PRKAR2B: variants seen among roughly 807,000 people sequenced by gnomAD.
PRKAR2B encodes protein kinase cAMP-dependent type II regulatory subunit beta.
PRKAR2B carries 14 observed loss-of-function variants against 49.9 expected under a neutral mutation model. The ratio of observed to expected loss-of-function variants is 0.28; its 90% CI spans 0.19 to 0.44. PRKAR2B has a LOEUF of 0.44. Among genes scored for constraint, PRKAR2B ranks in the 20% least tolerant of loss-of-function variants. PRKAR2B has a pLI of 1.00. For synonymous variants in PRKAR2B, 196 were observed against 197.7 expected (o/e 0.99, Z 0.07); for missense variants, 393 against 537.9 (o/e 0.73, Z 2.67).
intron 6 of PRKAR2B, 55 bp from the exon 7 acceptor site, chr7:107,150,867 C>T: frequency 1.2e-6 from 1 of 864,586 alleles, no homozygotes; most frequent in Non-Finnish European, 1.8e-6. Context: ...TAAAATAAAA[C>T]TATTTGTATA....
intron 1 of PRKAR2B, among the ~76,000 whole-genome samples, chr7:107,062,634 G>T (rs901277867): frequency 3.3e-5 from 5 of 152,112 alleles, no homozygotes; most frequent in Admixed American, 6.5e-5. Context: ...TGGAGTGTTG[G>T]TTGTGGATGT....
chr7:107,136,945 G>T (rs540142308), intron 4 of PRKAR2B, among the ~76,000 whole-genome samples: 1 of 152,160 alleles, frequency 6.6e-6, no homozygotes, highest in Non-Finnish European at 1.5e-5. Flanking sequence ...AAATAAACTG[G>T]TACATCTAGA....
At chr7:107,070,936 C>A (rs1794254090) in intron 2 of PRKAR2B, among the ~76,000 whole-genome samples, 1 of 152,164 alleles carries the variant, frequency 6.6e-6, no homozygotes, top group Non-Finnish European at 1.5e-5. Context: ...AGGCCTTAGC[C>A]ATTAACAAGG....
intron 4 of PRKAR2B, among the ~76,000 whole-genome samples, chr7:107,134,362 G>T (rs2115620418): frequency 6.6e-6 from 1 of 152,142 alleles, no homozygotes; most frequent in Middle Eastern, 3.4e-3. Flanking sequence ...CAATATATTA[G>T]TATTTATAGA....
chr7:107,093,496 G>T (rs1392304786), intron 2 of PRKAR2B, among the ~76,000 whole-genome samples: 1 of 144,490 alleles, frequency 6.9e-6, no homozygotes, highest in Non-Finnish European at 1.5e-5. Flanking sequence ...CTTAAGTCCA[G>T]TGCCCACTTT....
In PRKAR2B at chr7:107,147,387, T is replaced by C. The variant is rs1795913405; in HGVS notation, c.741+926T>C. 2.6e-5 allele frequency among the ~76,000 whole-genome samples: 4 copies of C among 152,232 alleles called. No homozygotes were observed. The South Asian group carries it at 8.3e-4, about 32-fold the overall frequency. ...TTCAGCACTGGGACCTGAGCATTAG[T>C]ACTTTTAAATACATTTCTTAATGTG... On this transcript the variant is annotated intron_variant, in intron 6 of 10. Coordinates refer to ENST00000265717, the MANE Select transcript of PRKAR2B (RefSeq NM_002736.3).
chr7:107,093,148 C>T (rs545145723), intron 2 of PRKAR2B, among the ~76,000 whole-genome samples: 11 of 152,214 alleles, frequency 7.2e-5, no homozygotes, highest in African/African-American at 2.2e-4. Flanking sequence ...TTGCTTCTAC[C>T]TTTGGCTATT....
chr7:107,076,817 C>CT (rs1234316999), intron 2 of PRKAR2B, among the ~76,000 whole-genome samples: 2 of 152,192 alleles, frequency 1.3e-5, no homozygotes, highest in African/African-American at 4.8e-5. Flanking sequence ...ATTTCAATCT[C>CT]ACACACCTAC....
intron 1 of PRKAR2B, among the ~76,000 whole-genome samples, chr7:107,052,754 T>A (rs1793832027): frequency 6.6e-6 from 1 of 152,226 alleles, no homozygotes; most frequent in Admixed American, 6.5e-5. Flanking sequence ...GATCTCTCCC[T>A]TTTACAATTT....
intron 2 of PRKAR2B, among the ~76,000 whole-genome samples, chr7:107,115,355 A>G (rs547151136): frequency 5.9e-5 from 9 of 152,334 alleles, no homozygotes; most frequent in African/African-American, 2.2e-4. Flanking sequence ...TATTCACTTA[A>G]GTACTATTTC....
intron 2 of PRKAR2B, among the ~76,000 whole-genome samples, chr7:107,075,957 T>A (rs1445026333): frequency 6.6e-6 from 1 of 152,188 alleles, no homozygotes; most frequent in East Asian, 1.9e-4. Context: ...GGGCTAGAAA[T>A]GTCCAGTTAA....
intron 1 of PRKAR2B, among the ~76,000 whole-genome samples, chr7:107,052,260 A>G (rs534653755): frequency 1.3e-4 from 20 of 152,184 alleles, no homozygotes; most frequent in African/African-American, 4.3e-4. Context: ...CTCTACTAAA[A>G]ATACAAAAAT....
chr7:107,094,144 C>G (rs1167196154), intron 2 of PRKAR2B, among the ~76,000 whole-genome samples: 5 of 152,178 alleles, frequency 3.3e-5, no homozygotes, highest in Admixed American at 3.3e-4. Context: ...TAAAAGTGTT[C>G]CTATTTCTTC....
intron 4 of PRKAR2B, among the ~76,000 whole-genome samples, chr7:107,129,357 G>T (rs1489896688): frequency 6.6e-6 from 1 of 152,068 alleles, no homozygotes. Flanking sequence ...TCCATTACTG[G>T]CTTTGATAGG....
intron 1 of PRKAR2B, among the ~76,000 whole-genome samples, chr7:107,055,786 TTC>T (rs750477877): frequency 9.9e-5 from 15 of 152,208 alleles, no homozygotes; most frequent in Non-Finnish European, 1.9e-4. Context: ...TGATGGTAGT[TTC>T]TCTTTTGCTG....
intron 2 of PRKAR2B, among the ~76,000 whole-genome samples, chr7:107,110,370 G>A (rs980418672): frequency 1.3e-5 from 2 of 152,044 alleles, no homozygotes; most frequent in African/African-American, 4.8e-5. Context: ...GCAAATCCTA[G>A]TGCTGATGTG....
At chr7:107,071,016 A>T (rs1028141992) in intron 2 of PRKAR2B, among the ~76,000 whole-genome samples, 2 of 152,212 alleles carry the variant, frequency 1.3e-5, no homozygotes, top group South Asian at 4.1e-4. Context: ...AATTAAGAGC[A>T]TTTCTGTCCA....
chr7:107,083,489 A>G (rs1794555414), intron 2 of PRKAR2B, among the ~76,000 whole-genome samples: 1 of 152,256 alleles, frequency 6.6e-6, no homozygotes, highest in African/African-American at 2.4e-5. Flanking sequence ...TCACTAGTGC[A>G]ATATTTGAAG....
At chr7:107,131,295 T>A (rs1299543123) in intron 4 of PRKAR2B, among the ~76,000 whole-genome samples, 2 of 152,264 alleles carry the variant, frequency 1.3e-5, no homozygotes, top group Non-Finnish European at 2.9e-5. Context: ...TTGTCTCTTC[T>A]GTTCTGTCTT....
Sources: gnomAD v4.1 joint callset for allele counts (sites outside exome capture counted in the v4.1 genomes callset) on GRCh38, gnomAD v4.1.1 for gene constraint, MANE v1.5 for transcripts, NCBI Gene and HGNC (gene_info 2026-07-23, HGNC 2026-07-21) for gene names.